FN1: variants seen among roughly 807,000 people sequenced by gnomAD.
FN1 encodes fibronectin 1.
In FN1, 106 loss-of-function variants were observed where a neutral mutation model predicts 297.3. The ratio of observed to expected loss-of-function variants is 0.36; its 90% confidence interval spans 0.30 to 0.42. The LOEUF is 0.42. Ranked by LOEUF, FN1 falls within the 10% of genes least tolerant of loss-of-function variation. FN1 has a pLI of 1.00. For missense variants in FN1, 2,690 were observed against 3,124.9 expected, an observed-to-expected ratio of 0.86 and a Z score of 3.32; for synonymous variants, 1,149 against 1,152.6, an observed-to-expected ratio of 1.00 and a Z score of 0.06.
rs142628915 is a variant in FN1 at position 215,384,963 on chromosome 2, C to T, written c.4626G>A (p.Pro1542=). The change falls in exon 29 of 46, where the codon CCG becomes CCA. Residue 1542 remains proline (P), a synonymous_variant. Coordinates refer to ENST00000354785, the MANE Select transcript of FN1 (RefSeq NM_212482.4). ...TCGCAGCAACAACTTCCAGGTCCCT[C>T]GGAACATCAGAAACTAGAAAAAAAA... is the stretch of plus-strand genomic sequence containing the variant. ...IGQQSTVSDV[P]RDLEVVAATP... 79 of 1,612,744 alleles carry T rather than the reference C, an allele frequency of 4.9e-5. No individual in the cohort carries two copies. The highest frequency in any genetic ancestry group is 6.3e-5 in the Non-Finnish European group (74 of 1,179,004).
intron 39 of FN1, 78 bp downstream of exon 39, chr2:215,373,244 C>G: frequency 8.8e-7 from 1 of 1,136,568 alleles, no homozygotes; most frequent in Non-Finnish European, 1.3e-6. Context: ...CATGGAGAAC[C>G]TTTTCATATT....
intron 10 of FN1, among the ~76,000 whole-genome samples, chr2:215,421,533 T>C (rs2064360617): frequency 6.6e-6 from 1 of 152,224 alleles, no homozygotes; most frequent in Non-Finnish European, 1.5e-5. Flanking sequence ...ACATAGATTA[T>C]TAATAGCTCA....
At chr2:215,388,093 A>G in intron 27 of FN1, 119 bp downstream of exon 27, 1 of 764,612 alleles carries the variant, frequency 1.3e-6, no homozygotes, top group South Asian at 1.5e-5. Flanking sequence ...TGTGATGACA[A>G]AGGTACACAC....
rs4328631 is a variant in FN1, at chr2:215,391,498, T to G, written c.4252+134A>C. 287,328 of 735,308 alleles carry G rather than the reference T, an allele frequency of 0.39. 59,313 individuals are homozygous for G. The highest frequency in any genetic ancestry group is 0.52 in the South Asian group (35,619 of 68,532). The allele number at this position is 735,308 out of a possible 1,614,324, so 45.5% of individuals were successfully genotyped here. On this transcript the variant is annotated intron_variant, in intron 26 of 45. Transcript: ENST00000354785. Reference sequence around the variant, plus strand: ...ACATCTTTCAAAATTAATGGAGCTGTGCATTGAATTCAGAGTTTAGTTTGT... The same window carrying G: ...ACATCTTTCAAAATTAATGGAGCTGGGCATTGAATTCAGAGTTTAGTTTGT...
intron 26 of FN1, among the ~76,000 whole-genome samples, chr2:215,390,296 T>A (rs1403255562): frequency 6.6e-6 from 1 of 152,156 alleles, no homozygotes; most frequent in East Asian, 1.9e-4. Context: ...GTGATCCTCC[T>A]ACCTCAACTT....
chr2:215,405,365 T>A (rs571224977), intron 19 of FN1, among the ~76,000 whole-genome samples: 1 of 152,330 alleles, frequency 6.6e-6, no homozygotes, highest in Non-Finnish European at 1.5e-5. Flanking sequence ...TAGAGCCAGC[T>A]CTATCCCTTC....
At chr2:215,407,043 G>A (rs2061864768) in intron 18 of FN1, 84 bp downstream of exon 18, 1 of 999,134 alleles carries the variant, frequency 1.0e-6, no homozygotes, top group African/African-American at 1.6e-5. Context: ...TTGAATGAGA[G>A]GACTGTTGAC....
intron 13 of FN1, among the ~76,000 whole-genome samples, chr2:215,411,712 G>A (rs2062664880): frequency 6.7e-6 from 1 of 149,382 alleles, no homozygotes; most frequent in African/African-American, 2.5e-5. Context: ...TGTTGCCCAG[G>A]CTGGAGTGCA....
At position 215,423,305 on chromosome 2, in the gene FN1, C is replaced by T. The variant is rs377115803; in HGVS notation, c.1393+45G>A. ...GACACTAGTCTTTAGTCTCTACTCC[C>T]TAAATTGTTGTCAAACAAGACAACC... On this transcript the variant is annotated intron_variant, in intron 9 of 45. Transcript: ENST00000354785. The T allele has an allele frequency of 2.9e-5, 46 of 1,605,882 alleles. No homozygotes were observed. In the African/African-American group the frequency reaches 6.0e-4, roughly 21 times the overall value.
In FN1 at chr2:215,374,910, G is replaced by C. The variant is rs73089360; in HGVS notation, c.6157+304C>G. On this transcript the variant is annotated intron_variant, in intron 38 of 45. Transcript: ENST00000354785. ...GTAATGACAGAATCACAATCAGCTA[G>C]TATGCTTTGAAAAATATCTTTCTCC... 0.048 allele frequency among the ~76,000 whole-genome samples: 7,355 copies of C among 152,262 alleles called. 589 individuals carry two copies. Among genetic ancestry groups the C allele is most frequent in the African/African-American group, 0.16 (6,821 of 41,510 alleles).
chr2:215,387,099 CAA>C, intron 27 of FN1, 141 bp from the exon 28 acceptor site: 1 of 723,708 alleles, frequency 1.4e-6, no homozygotes, highest in East Asian at 2.7e-5. Context: ...TGCCATAAAC[CAA>C]AGAGTAAGAT....
At chr2:215,380,603 T>C (rs1243429743) in intron 33 of FN1, 2 of 655,498 alleles carry the variant, frequency 3.1e-6, no homozygotes, top group Non-Finnish European at 5.3e-6. Context: ...TAAGCCAGGA[T>C]ACTCCAAAAT....
chr2:215,433,526 C>T, intron 2 of FN1, 65 bp from the exon 3 acceptor site: 1 of 1,531,906 alleles, frequency 6.5e-7, no homozygotes, highest in Admixed American at 1.9e-5. Flanking sequence ...TTCACTAATC[C>T]CCTCTAAAGG....
intron 38 of FN1, among the ~76,000 whole-genome samples, chr2:215,373,949 TG>T (rs2056778228): frequency 6.6e-6 from 1 of 152,224 alleles, no homozygotes; most frequent in African/African-American, 2.4e-5. Context: ...CCCAAAGTGC[TG>T]GGATTACAGG....
At chr2:215,390,905 T>C (rs1575475306) in intron 26 of FN1, among the ~76,000 whole-genome samples, 1 of 152,254 alleles carries the variant, frequency 6.6e-6, no homozygotes, top group East Asian at 1.9e-4. Flanking sequence ...CTTTTGCTGT[T>C]GTTATATATT....
At chr2:215,413,902 T>C (rs2063059643) in intron 13 of FN1, among the ~76,000 whole-genome samples, 1 of 152,208 alleles carries the variant, frequency 6.6e-6, no homozygotes, top group Non-Finnish European at 1.5e-5. Context: ...CGTCTAGACG[T>C]GGTTCTTTCC....
chr2:215,373,597 A>T (rs7349218), intron 38 of FN1, among the ~76,000 whole-genome samples, 186 bp from the exon 39 acceptor site: 1 of 151,608 alleles, frequency 6.6e-6, no homozygotes, highest in East Asian at 2.0e-4. Context: ...TAAAGTCCGC[A>T]TCGCAAACTA....
At chr2:215,426,204 A>G (rs1221162748) in intron 6 of FN1, among the ~76,000 whole-genome samples, 6 of 131,258 alleles carry the variant, frequency 4.6e-5, no homozygotes, top group South Asian at 2.5e-4. Context: ...GCTGGAGTGC[A>G]GTGGCGCAAT....
chr2:215,372,168 G>A lies in FN1; in HGVS notation c.6455C>T (p.Thr2152Ile), dbSNP rs2056344557. The A allele has an allele frequency of 1.2e-6, 2 of 1,614,124 alleles. No homozygotes were observed. The highest frequency in any genetic ancestry group is 1.3e-5 in the African/African-American group (1 of 74,950). Residue 2152 changes from threonine (T) to isoleucine (I), a missense_variant, in exon 40 of 46, where the codon ACA becomes ATA. By Grantham distance (89) the Thr-to-Ile change is moderately conservative. Transcript: ENST00000354785. ...IFEEHGFRRT[T>I]PPTTATPIRH... ...TATGGGGGTGGCCGTTGTGGGCGGT[G>A]TGGTCCGCCTAAAACCATGTTCCTC... is the stretch of plus-strand genomic sequence containing the variant.
Sources: allele counts gnomAD v4.1 joint callset (sites outside exome capture counted in the v4.1 genomes callset), GRCh38; gene constraint gnomAD v4.1.1; transcripts MANE v1.5; gene names NCBI Gene and HGNC (gene_info 2026-07-23, HGNC 2026-07-21).